The following NDST4 variants were observed in gnomAD, a reference collection of about 807,000 sequenced individuals.
The protein encoded by NDST4 is N-heparan sulfate sulfotransferase 4.
NDST4 carries 63 observed loss-of-function variants against 100.8 expected under a neutral mutation model. That is an observed-to-expected ratio of 0.62 (90% confidence interval 0.51 to 0.77). The LOEUF is 0.77. NDST4 is among the 30% of genes least tolerant of loss of function. The pLI, the probability that NDST4 is intolerant of heterozygous loss-of-function variation, is 0.00. For synonymous variants in NDST4, 377 were observed against 361.8 expected, an observed-to-expected ratio of 1.04 and a Z score of -0.48; for missense variants, 943 against 1,018.4, an observed-to-expected ratio of 0.93 and a Z score of 1.01.
intron 6 of NDST4, among the ~76,000 whole-genome samples, chr4:114,882,591 A>T (rs1188541508): frequency 6.6e-6 from 1 of 152,224 alleles, no homozygotes; most frequent in East Asian, 1.9e-4. Flanking sequence ...AGAGAAAAAA[A>T]ATAATGAGGA....
chr4:115,026,114 A>C (rs2126267554), intron 2 of NDST4, among the ~76,000 whole-genome samples: 1 of 152,132 alleles, frequency 6.6e-6, no homozygotes, highest in East Asian at 1.9e-4. Flanking sequence ...TCAACTCCTT[A>C]TGTTGCAGTT....
chr4:114,995,954 T>C (rs1727151458), intron 2 of NDST4, among the ~76,000 whole-genome samples: 1 of 152,168 alleles, frequency 6.6e-6, no homozygotes, highest in Non-Finnish European at 1.5e-5. Context: ...ACAAGTCATA[T>C]GCAATATGCA....
intron 2 of NDST4, among the ~76,000 whole-genome samples, chr4:115,009,593 C>A (rs1380446304): frequency 1.6e-5 from 2 of 123,968 alleles, no homozygotes; most frequent in Non-Finnish European, 3.4e-5. Context: ...TAGAAGAAAA[C>A]CTAGGCATTA....
chr4:115,043,286 A>G (rs1468500379), intron 2 of NDST4, among the ~76,000 whole-genome samples: 1 of 152,120 alleles, frequency 6.6e-6, no homozygotes, highest in Non-Finnish European at 1.5e-5. Context: ...TTATAAAAAA[A>G]TTTTAATATA....
At chr4:114,850,596 T>C (rs1163252500) in intron 8 of NDST4, among the ~76,000 whole-genome samples, 1 of 152,190 alleles carries the variant, frequency 6.6e-6, no homozygotes, top group East Asian at 1.9e-4. Flanking sequence ...ATATAAATAT[T>C]TCATGGAAGA....
chr4:114,998,195 T>C (rs1727207114), intron 2 of NDST4, among the ~76,000 whole-genome samples: 1 of 152,138 alleles, frequency 6.6e-6, no homozygotes, highest in Non-Finnish European at 1.5e-5. Context: ...CCACAAAACT[T>C]GGTGTTTGCT....
intron 2 of NDST4, among the ~76,000 whole-genome samples, chr4:115,059,822 T>A (rs1728780938): frequency 6.6e-6 from 1 of 151,996 alleles, no homozygotes. Flanking sequence ...CACAGACACA[T>A]GAGGAGAAGT....
intron 2 of NDST4, among the ~76,000 whole-genome samples, chr4:115,058,412 G>C (rs1018291299): frequency 5.9e-5 from 9 of 152,064 alleles, no homozygotes; most frequent in African/African-American, 2.2e-4. Context: ...ACTACAACAA[G>C]GGCTTTCAAG....
intron 6 of NDST4, among the ~76,000 whole-genome samples, chr4:114,891,191 T>A (rs922005238): frequency 3.3e-5 from 5 of 152,134 alleles, no homozygotes; most frequent in African/African-American, 9.7e-5. Flanking sequence ...TCTCCTTTAT[T>A]GATTCTTCTC....
At chr4:115,012,725 G>A (rs1727579015) in intron 2 of NDST4, among the ~76,000 whole-genome samples, 1 of 120,614 alleles carries the variant, frequency 8.3e-6, no homozygotes, top group South Asian at 2.6e-4. Flanking sequence ...GTACATCAAA[G>A]AAATACCTGT....
chr4:114,961,058 T>C lies in NDST4; in HGVS notation c.1221+9372A>G, dbSNP rs550864707. Reference sequence around the variant, plus strand: ...CTTCACTGGAAAAGCCACTGTGAAATTGAAAAAGATTCTGAGAAGTTAAAA... The same window carrying C: ...CTTCACTGGAAAAGCCACTGTGAAACTGAAAAAGATTCTGAGAAGTTAAAA... On this transcript the variant is annotated intron_variant, in intron 4 of 13. Transcript: ENST00000264363. Among the ~76,000 whole-genome samples the C allele has an allele frequency of 2.0e-5, 3 of 152,172 alleles. No homozygotes were observed. In the East Asian group the frequency reaches 5.8e-4, roughly 29 times the overall value.
At position 115,077,060 on chromosome 4, in the gene NDST4, C is replaced by G. The variant is rs1453940593; in HGVS notation, c.-24G>C. 7.1e-6 allele frequency: 11 copies of G among 1,558,656 alleles called. No homozygotes were observed. In the Admixed American group the frequency reaches 2.1e-4, roughly 30 times the overall value. On this transcript the variant is annotated 5_prime_UTR_variant, in exon 2 of 14. Transcript: ENST00000264363. ...ATTTTTTAGAATAATGTTTTGGAAG[C>G]TTTTTCCCAATTTCGTTTCCTAAAG...
intron 4 of NDST4, among the ~76,000 whole-genome samples, chr4:114,953,410 T>C (rs1417517922): frequency 6.6e-6 from 1 of 152,070 alleles, no homozygotes. Context: ...GAGAAAGTTA[T>C]CAATCTTACA....
At chr4:115,092,274 C>T (rs930338973) in intron 1 of NDST4, among the ~76,000 whole-genome samples, 3 of 152,254 alleles carry the variant, frequency 2.0e-5, no homozygotes, top group East Asian at 1.9e-4. Context: ...TCACTAGCTT[C>T]TGATTCAAAG....
chr4:114,971,282 G>C (rs1244728493), intron 3 of NDST4, among the ~76,000 whole-genome samples: 1 of 151,874 alleles, frequency 6.6e-6, no homozygotes, highest in Non-Finnish European at 1.5e-5. Flanking sequence ...TTTATAATAT[G>C]TGTGACTTGA....
chr4:114,844,786 CTT>C (rs998233921), intron 10 of NDST4, among the ~76,000 whole-genome samples: 1 of 152,152 alleles, frequency 6.6e-6, no homozygotes, highest in Non-Finnish European at 1.5e-5. Context: ...ACACTTTCCT[CTT>C]GTTATTATTT....
chr4:115,016,154 G>A (rs531738245), intron 2 of NDST4, among the ~76,000 whole-genome samples: 4 of 152,034 alleles, frequency 2.6e-5, no homozygotes, highest in East Asian at 1.9e-4. Flanking sequence ...TGGGATTTTC[G>A]TGGAATTCAT....
intron 6 of NDST4, among the ~76,000 whole-genome samples, chr4:114,891,184 C>T (rs1242098231): frequency 6.6e-6 from 1 of 152,054 alleles, no homozygotes; most frequent in Non-Finnish European, 1.5e-5. Context: ...CTTTGTTTCT[C>T]CTTTATTGAT....
chr4:114,953,294 ATTTTAGAAGTATCAGGAGC>A (rs1199316336), intron 4 of NDST4, among the ~76,000 whole-genome samples: 1 of 152,136 alleles, frequency 6.6e-6, no homozygotes, highest in Non-Finnish European at 1.5e-5. Context: ...GATTTATATA[ATTTTAGAAGTATCAGGAGC>A]TTTGATGGTC....
Sources: gnomAD v4.1 joint callset for allele counts (sites outside exome capture counted in the v4.1 genomes callset) on GRCh38, gnomAD v4.1.1 for gene constraint, MANE v1.5 for transcripts, NCBI Gene and HGNC (gene_info 2026-07-23, HGNC 2026-07-21) for gene names.